The following KAZN variants were observed in gnomAD, a reference collection of about 807,000 sequenced individuals.
The protein encoded by KAZN is kazrin.
KAZN carries 40 observed loss-of-function variants against 87.4 expected under a neutral mutation model. That is an observed-to-expected ratio of 0.46 (90% CI 0.36 to 0.60). The LOEUF (loss-of-function observed/expected upper bound fraction) is 0.60. Among genes scored for constraint, KAZN ranks in the 20% least tolerant of loss-of-function variants. KAZN has a pLI of 0.00. For missense variants in KAZN, 898 were observed against 1,073.9 expected (o/e 0.84, Z 2.29); for synonymous variants, 466 against 458.3 (o/e 1.02, Z -0.22).
At chr1:14,758,927 G>C (rs1411590397) in intron 1 of KAZN, among the ~76,000 whole-genome samples, 2 of 151,778 alleles carry the variant, frequency 1.3e-5, no homozygotes, top group African/African-American at 4.8e-5. Context: ...AAATGAAAGA[G>C]AAAGCATGAA....
At chr1:14,452,570 A>C (rs1316318875) in intron 2 of KAZN, among the ~76,000 whole-genome samples, 2 of 152,168 alleles carry the variant, frequency 1.3e-5, no homozygotes, top group Non-Finnish European at 2.9e-5. Context: ...TATATATAGC[A>C]AGTGGCCATT....
intron 1 of KAZN, among the ~76,000 whole-genome samples, chr1:14,759,273 G>A (rs1476843900): frequency 1.3e-5 from 2 of 152,180 alleles, no homozygotes; most frequent in South Asian, 4.1e-4. Context: ...GTCACCGTGA[G>A]AGCATCGCAC....
chr1:14,172,732 G>A (rs1205021925), intron 1 of KAZN, among the ~76,000 whole-genome samples: 1 of 152,230 alleles, frequency 6.6e-6, no homozygotes, highest in Non-Finnish European at 1.5e-5. Flanking sequence ...GATGGCTGGT[G>A]CCATGGCAAG....
At chr1:13,959,684 G>A (rs1570391256) in intron 1 of KAZN, among the ~76,000 whole-genome samples, 1 of 152,108 alleles carries the variant, frequency 6.6e-6, no homozygotes, top group Non-Finnish European at 1.5e-5. Context: ...GATCACAGAT[G>A]CTTCTTTCAG....
At chr1:14,601,679 G>C (rs1676992408) in intron 1 of KAZN, among the ~76,000 whole-genome samples, 2 of 152,184 alleles carry the variant, frequency 1.3e-5, no homozygotes, top group Admixed American at 6.5e-5. Flanking sequence ...CAGAGGCTCA[G>C]CTCCTCAGGG....
At chr1:14,589,894 A>C (rs1342378270) in intron 2 of KAZN, among the ~76,000 whole-genome samples, 1 of 152,160 alleles carries the variant, frequency 6.6e-6, no homozygotes, top group African/African-American at 2.4e-5. Context: ...GAACTCAAGG[A>C]AGCAGAAGTC....
chr1:15,107,633 G>A (rs1641340648), intron 13 of KAZN, among the ~76,000 whole-genome samples: 1 of 152,176 alleles, frequency 6.6e-6, no homozygotes, highest in Admixed American at 6.5e-5. Flanking sequence ...AAAGCAATTG[G>A]CAAAGGAACC....
intron 2 of KAZN, among the ~76,000 whole-genome samples, chr1:14,362,573 C>T (rs1000808051): frequency 1.3e-5 from 2 of 152,214 alleles, no homozygotes; most frequent in Admixed American, 1.3e-4. Context: ...GCTTAAGAGA[C>T]TGTCTCACTG....
chr1:14,400,691 C>T (rs999108986), intron 2 of KAZN, among the ~76,000 whole-genome samples: 10 of 152,142 alleles, frequency 6.6e-5, no homozygotes, highest in African/African-American at 2.4e-4. Context: ...AGCCCATCAA[C>T]CCTCAATAAC....
At chr1:14,610,866 CT>C (rs1225042204) in intron 1 of KAZN, among the ~76,000 whole-genome samples, 11 of 152,086 alleles carry the variant, frequency 7.2e-5, no homozygotes, top group Non-Finnish European at 1.5e-5. Context: ...CCCATTAGAC[CT>C]TTAGAAGCTC....
chr1:14,743,073 G>A (rs537345470), intron 1 of KAZN, among the ~76,000 whole-genome samples: 178 of 152,336 alleles, frequency 1.2e-3, no homozygotes, highest in Middle Eastern at 6.8e-3. Context: ...GTGGGCCAGA[G>A]TGGTGCGTCG....
At chr1:14,415,004 C>T (rs775895909) in intron 2 of KAZN, among the ~76,000 whole-genome samples, 14 of 151,918 alleles carry the variant, frequency 9.2e-5, no homozygotes, top group African/African-American at 3.4e-4. Flanking sequence ...CCAGCCTGGG[C>T]GATACAGTGA....
chr1:14,141,531 G>A (rs963928251), intron 1 of KAZN, among the ~76,000 whole-genome samples: 11 of 152,192 alleles, frequency 7.2e-5, no homozygotes, highest in South Asian at 2.1e-4. Flanking sequence ...GGTGATGCCA[G>A]GACTCCAAGG....
chr1:14,327,360 AG>A (rs1656509915), intron 2 of KAZN, among the ~76,000 whole-genome samples: 1 of 152,090 alleles, frequency 6.6e-6, no homozygotes, highest in Non-Finnish European at 1.5e-5. Flanking sequence ...CCTGCTTATT[AG>A]TCCCCCCACA....
Position 14,789,680 on chromosome 1 carries a change from G to C in KAZN, c.227-171004G>C, listed in dbSNP as rs567509651. Among the ~76,000 whole-genome samples the C allele has an allele frequency of 1.3e-4, 17 of 135,792 alleles. 1 individual carries two copies. The South Asian group carries it at 3.4e-3, about 27-fold the overall frequency. The allele number at this position is 135,792 out of a possible 152,430, so 89.1% of individuals were successfully genotyped here. A position where few individuals can be genotyped will look rare whatever the true frequency, so the allele number is the denominator to read the frequency against. On this transcript the variant is annotated intron_variant, in intron 1 of 14. Transcript: ENST00000376030. ...CTCCCTCCTGCCTATGGTGTGTTCT[G>C]TCCTGTCCTCAAGTCATCTGTCCTC...
intron 13 of KAZN, among the ~76,000 whole-genome samples, chr1:15,109,260 C>CTGTA (rs1641403046): frequency 6.6e-6 from 1 of 152,070 alleles, no homozygotes; most frequent in African/African-American, 2.4e-5. Flanking sequence ...TGGCGTGCAC[C>CTGTA]TGTAGTCCCA....
intron 10 of KAZN, among the ~76,000 whole-genome samples, chr1:15,098,146 C>T (rs747346828): frequency 3.3e-5 from 5 of 152,236 alleles, no homozygotes; most frequent in Non-Finnish European, 5.9e-5. Context: ...AACAGCTTCC[C>T]GTTTTCCGTG....
intron 1 of KAZN, among the ~76,000 whole-genome samples, chr1:13,978,480 A>G (rs1638485390): frequency 1.5e-5 from 2 of 133,364 alleles, no homozygotes; most frequent in African/African-American, 5.4e-5. Context: ...ATATAGGTAG[A>G]TGGATATAGA....
intron 1 of KAZN, among the ~76,000 whole-genome samples, chr1:14,829,851 T>C (rs1312618476): frequency 6.6e-6 from 1 of 152,202 alleles, no homozygotes; most frequent in Admixed American, 6.5e-5. Context: ...GAGTTTAGAC[T>C]TCGTCCAAAG....
Sources: allele counts gnomAD v4.1 joint callset (sites outside exome capture counted in the v4.1 genomes callset), GRCh38; gene constraint gnomAD v4.1.1; transcripts MANE v1.5; gene names NCBI Gene and HGNC (gene_info 2026-07-23, HGNC 2026-07-21).